ENDOD1: variants seen among roughly 807,000 people sequenced by gnomAD.
The protein encoded by ENDOD1 is endonuclease domain-containing 1 protein.
In ENDOD1, 9 loss-of-function variants were observed where a neutral mutation model predicts 6.5. The ratio of observed to expected loss-of-function variants is 1.39; its 90% CI spans 0.84 to 2.43. ENDOD1 has a LOEUF of 2.43. Among genes scored for constraint, ENDOD1 ranks in the 30% most tolerant of loss-of-function variants. The pLI is 0.00. For missense variants in ENDOD1, 648 were observed against 635.5 expected (o/e 1.02, Z -0.21); for synonymous variants, 255 against 255.2 (o/e 1.00, Z 0.01).
intron 1 of ENDOD1, among the ~76,000 whole-genome samples, chr11:95,121,409 G>T (rs918811027): frequency 6.6e-6 from 1 of 152,170 alleles, no homozygotes; most frequent in African/African-American, 2.4e-5. Context: ...TACATGTGGA[G>T]CTCATAGAAG....
chr11:95,100,868 T>TG (rs1555110783), intron 1 of ENDOD1, among the ~76,000 whole-genome samples: 6 of 144,390 alleles, frequency 4.2e-5, no homozygotes, highest in African/African-American at 1.5e-4. Flanking sequence ...GCTGGGTGTT[T>TG]TTTTTTTTTT....
At position 95,089,931 on chromosome 11, in the gene ENDOD1, G is replaced by A. The variant is rs1858908861; in HGVS notation, c.4G>A (p.Gly2Ser). ...CGCCGCGCTCGCAGAGGCCGCCATG[G>A]GCACCGCGCGCTGGCTCGCGCTGGG... M[G>S]TARWLALGSL... The change falls in exon 1 of 2, where the codon GGC becomes AGC. Residue 2 changes from glycine to serine, a missense_variant. Coordinates refer to ENST00000278505, the MANE Select transcript of ENDOD1 (RefSeq NM_015036.3). 2.1e-6 allele frequency: 3 copies of A among 1,423,316 alleles called. No individual in the cohort carries two copies. Among genetic ancestry groups the A allele is most frequent in the Non-Finnish European group, 1.9e-6 (2 of 1,079,730 alleles). 88.2% of individuals were successfully genotyped at this position (1,423,316 alleles called of 1,614,324 possible). A position where few individuals can be genotyped will look rare whatever the true frequency, so the allele number is the denominator to read the frequency against.
chr11:95,106,712 C>T (rs1397502516), intron 1 of ENDOD1, among the ~76,000 whole-genome samples: 2 of 152,042 alleles, frequency 1.3e-5, no homozygotes, highest in Admixed American at 6.5e-5. Context: ...ACAGCTCTTG[C>T]GATTTGTGGA....
rs1591015024 is a variant in ENDOD1, at chr11:95,110,458, AC to A, written c.301-17918del. ...ACAAGGAGTACAAGAGATGATCCCA[AC>A]TTTTGAGGAGCCTACAGTCTGTAAA... is the stretch of plus-strand genomic sequence containing the variant. On this transcript the variant is annotated intron_variant, in intron 1 of 1. Coordinates refer to ENST00000278505, the MANE Select transcript of ENDOD1 (RefSeq NM_015036.3). Among the ~76,000 whole-genome samples, 3 of 152,330 alleles carry A rather than the reference AC, an allele frequency of 2.0e-5. No homozygotes were observed. The East Asian group carries it at 5.8e-4, about 29-fold the overall frequency.
rs1018439566 is a variant in ENDOD1, at chr11:95,129,740, C to G, written c.*161C>G. 1.1e-5 allele frequency: 8 copies of G among 721,608 alleles called. No homozygotes were observed. In the African/African-American group the frequency reaches 1.4e-4, roughly 13 times the overall value. 44.7% of individuals were successfully genotyped at this position (721,608 alleles called of 1,614,324 possible). ...AGAAGATGGCAGAATTTAGACTTGACAGAGGAGAAATGCTCAGGGTGAGAT... is the reference window on the plus strand; with the variant it reads ...AGAAGATGGCAGAATTTAGACTTGAGAGAGGAGAAATGCTCAGGGTGAGAT... On this transcript the variant is annotated 3_prime_UTR_variant, in exon 2 of 2. Transcript: ENST00000278505.
intron 1 of ENDOD1, among the ~76,000 whole-genome samples, chr11:95,124,137 C>T (rs572654120): frequency 6.6e-4 from 100 of 151,750 alleles, no homozygotes; most frequent in African/African-American, 2.3e-3. Flanking sequence ...AAAAGGATTT[C>T]CCAAGAGAGA....
Position 95,131,030 on chromosome 11 carries a change from A to G in ENDOD1, c.*1451A>G, listed in dbSNP as rs551902666. 6.6e-6 allele frequency: 1 copy of G among 152,366 alleles called. No individual in the cohort carries two copies. Among genetic ancestry groups the G allele is most frequent in the African/African-American group, 2.4e-5 (1 of 41,582 alleles). 9.4% of individuals were successfully genotyped at this position (152,366 alleles called of 1,614,324 possible). A position where few individuals can be genotyped will look rare whatever the true frequency, so the allele number is the denominator to read the frequency against. On this transcript the variant is annotated 3_prime_UTR_variant, in exon 2 of 2. Coordinates refer to ENST00000278505, the MANE Select transcript of ENDOD1 (RefSeq NM_015036.3). ...TCGGGGTCCCAACAAGGAGAGAACA[A>G]TATGTCAACCATTTGCATGGGGTCG...
At position 95,090,627 on chromosome 11, in the gene ENDOD1, A is replaced by G. The variant is rs572257709; in HGVS notation, c.300+400A>G. 2.5e-3 allele frequency among the ~76,000 whole-genome samples: 385 copies of G among 152,324 alleles called. 2 individuals are homozygous for G. Among genetic ancestry groups the G allele is most frequent in the Middle Eastern group, 6.8e-3 (2 of 294 alleles). ...CTGGGCGCTCACAGGCCTTCGTGCA[A>G]CTTATTGCCATAGCACTCATTTGGA... is the stretch of plus-strand genomic sequence containing the variant. On this transcript the variant is annotated intron_variant, in intron 1 of 1. Coordinates refer to ENST00000278505, the MANE Select transcript of ENDOD1 (RefSeq NM_015036.3).
At position 95,090,103 on chromosome 11, in the gene ENDOD1, C is replaced by T; in HGVS notation, c.176C>T (p.Ala59Val). The T allele has an allele frequency of 1.3e-6, 2 of 1,592,330 alleles. No homozygotes were observed. Among genetic ancestry groups the T allele is most frequent in the Non-Finnish European group, 1.7e-6 (2 of 1,171,192 alleles). ...TCCCACGTGAAGATCTGTCAGCGCG[C>T]GGAGGGTGCTGAGCGCTTCGCCACC... ...ADSHVKICQR[A>V]EGAERFATLY... The change falls in exon 1 of 2, where the codon GCG (alanine) becomes GTG (valine). Residue 59 changes from alanine to valine, a missense_variant. Coordinates refer to ENST00000278505, the MANE Select transcript of ENDOD1 (RefSeq NM_015036.3).
At chr11:95,109,154 G>A (rs959215622) in intron 1 of ENDOD1, among the ~76,000 whole-genome samples, 3 of 152,228 alleles carry the variant, frequency 2.0e-5, no homozygotes, top group Non-Finnish European at 2.9e-5. Context: ...TCCCCACGGA[G>A]TTGGATAGCT....
At position 95,090,188 on chromosome 11, in the gene ENDOD1, G is replaced by T. The variant is rs781813418; in HGVS notation, c.261G>T (p.Ala87=). ...VYSAFRAPRP[A]PGGAEQRWLV... ...CCGCGTTCCGCGCCCCGCGCCCTGC[G>T]CCCGGCGGCGCCGAGCAGCGATGGC... Residue 87 remains alanine, a synonymous_variant, in exon 1 of 2, where the codon GCG becomes GCT. Transcript: ENST00000278505. 1.4e-6 allele frequency: 2 copies of T among 1,417,568 alleles called. No homozygotes were observed. The highest frequency in any genetic ancestry group is 2.5e-5 in the Admixed American group (1 of 39,778). The allele number at this position is 1,417,568 out of a possible 1,614,324, so 87.8% of individuals were successfully genotyped here. A position where few individuals can be genotyped will look rare whatever the true frequency, so the allele number is the denominator to read the frequency against.
At position 95,129,003 on chromosome 11, in the gene ENDOD1, G is replaced by A. The variant is rs1327427307; in HGVS notation, c.927G>A (p.Arg309=). 2 of 1,613,894 alleles carry A rather than the reference G, an allele frequency of 1.2e-6. No individual in the cohort carries two copies. Among genetic ancestry groups the A allele is most frequent in the Non-Finnish European group, 8.5e-7 (1 of 1,179,968 alleles). ...QKSSSPLSST[R]SKRSTLLPPE... ...GTTCTAGTCCCCTTTCTAGCACCAG[G>A]AGCAAGAGGTCTACTCTGTTGCCTC... The change falls in exon 2 of 2, where the codon AGG becomes AGA. Residue 309 remains arginine, a synonymous_variant. Coordinates refer to ENST00000278505, the MANE Select transcript of ENDOD1 (RefSeq NM_015036.3).
chr11:95,102,220 A>G (rs556841581), intron 1 of ENDOD1, among the ~76,000 whole-genome samples: 1 of 152,254 alleles, frequency 6.6e-6, no homozygotes, highest in Non-Finnish European at 1.5e-5. Flanking sequence ...CCTCACATTT[A>G]GAGGGCCTTG....
rs1233582798 is a variant in ENDOD1, at chr11:95,131,540, A to G, written c.*1961A>G. 3 of 152,216 alleles carry G rather than the reference A, an allele frequency of 2.0e-5. No homozygotes were observed. The highest frequency in any genetic ancestry group is 1.3e-4 in the Admixed American group (2 of 15,278). 9.4% of individuals were successfully genotyped at this position (152,216 alleles called of 1,614,324 possible). On this transcript the variant is annotated 3_prime_UTR_variant, in exon 2 of 2. Transcript: ENST00000278505. ...TGTCCCATCACACCTGAGATGTCAG[A>G]CATGGGAAGTTCGTGCTATTATTCA...
At position 95,128,781 on chromosome 11, in the gene ENDOD1, C is replaced by T; in HGVS notation, c.705C>T (p.Gly235=). Residue 235 remains glycine, a synonymous_variant, in exon 2 of 2, where the codon GGC becomes GGT. Coordinates refer to ENST00000278505, the MANE Select transcript of ENDOD1 (RefSeq NM_015036.3). ...CAVPGGGWAM[G]FVKHTRDSDI... The stretch of plus-strand genomic sequence containing the variant: ...TCCCTGGAGGAGGCTGGGCCATGGG[C>T]TTTGTCAAGCACACCCGGGACAGTG... The T allele has an allele frequency of 6.2e-7, 1 of 1,614,164 alleles. No individual in the cohort carries two copies. Among genetic ancestry groups the T allele is most frequent in the Non-Finnish European group, 8.5e-7 (1 of 1,180,024 alleles).
In ENDOD1 at chr11:95,128,908, A is replaced by G. The variant is rs1426854286; in HGVS notation, c.832A>G (p.Lys278Glu). 1 of 1,614,018 alleles carries G rather than the reference A, an allele frequency of 6.2e-7. No homozygotes were observed. The change falls in exon 2 of 2, where the codon AAA becomes GAA. Residue 278 changes from lysine (K) to glutamate (E), a missense_variant. Physicochemically the swap from Lys to Glu is moderately conservative, Grantham distance 56. Transcript: ENST00000278505. ...TGGTGAAACTGAGCAAGACACAGAG[A>G]AAATGAAAAAAATCCTGGAAGTGGT... ...NCGETEQDTE[K>E]MKKILEVVNQ...
chr11:95,120,265 G>A (rs1268755447), intron 1 of ENDOD1, among the ~76,000 whole-genome samples: 1 of 152,100 alleles, frequency 6.6e-6, no homozygotes, highest in Non-Finnish European at 1.5e-5. Context: ...AGCTGGTATT[G>A]TGCTGAATCT....
intron 1 of ENDOD1, among the ~76,000 whole-genome samples, chr11:95,104,311 G>A (rs539861): frequency 6.6e-6 from 1 of 152,100 alleles, no homozygotes; most frequent in African/African-American, 2.4e-5. Context: ...AGCTGGGCAT[G>A]GTGGCACATG....
intron 1 of ENDOD1, among the ~76,000 whole-genome samples, chr11:95,125,883 G>A (rs1361492367): frequency 6.6e-6 from 1 of 152,104 alleles, no homozygotes; most frequent in Non-Finnish European, 1.5e-5. Context: ...TTGCTATTGT[G>A]AATAGTGCCA....
Sources: gnomAD v4.1 joint callset for allele counts (sites outside exome capture counted in the v4.1 genomes callset) on GRCh38, gnomAD v4.1.1 for gene constraint, MANE v1.5 for transcripts, NCBI Gene and HGNC (gene_info 2026-07-23, HGNC 2026-07-21) for gene names.